Variants in FBXL17 observed in about 807,000 individuals in gnomAD.
The protein encoded by FBXL17 is F-box/LRR-repeat protein 17.
FBXL17 carries 22 observed loss-of-function variants against 66.2 expected under a neutral mutation model. That is an observed-to-expected ratio of 0.33 (90% CI 0.24 to 0.47). FBXL17 has a LOEUF of 0.47. Among genes scored for constraint, FBXL17 ranks in the 20% least tolerant of loss-of-function variants. FBXL17 has a pLI of 1.00. For synonymous variants in FBXL17, 474 were observed against 400.5 expected, an observed-to-expected ratio of 1.18 and a Z score of -2.19; for missense variants, 878 against 948.2, an observed-to-expected ratio of 0.93 and a Z score of 0.97.
chr5:108,379,180 T>C (rs1364328261), intron 1 of FBXL17, among the ~76,000 whole-genome samples: 2 of 152,204 alleles, frequency 1.3e-5, no homozygotes, highest in East Asian at 3.8e-4. Context: ...CATTAAAATG[T>C]TTTTTACCTC....
chr5:108,156,171 T>C (rs1490245129), intron 6 of FBXL17, among the ~76,000 whole-genome samples: 1 of 152,118 alleles, frequency 6.6e-6, no homozygotes, highest in East Asian at 1.9e-4. Flanking sequence ...TCTATTACAA[T>C]AGGCATCAGA....
intron 7 of FBXL17, among the ~76,000 whole-genome samples, chr5:108,011,553 C>T (rs1475616530): frequency 6.6e-6 from 1 of 152,110 alleles, no homozygotes; most frequent in African/African-American, 2.4e-5. Context: ...CCTGTAATTC[C>T]AGCACTTCGG....
intron 4 of FBXL17, among the ~76,000 whole-genome samples, chr5:108,328,634 A>T (rs1351301275): frequency 1.3e-5 from 2 of 152,054 alleles, no homozygotes; most frequent in Non-Finnish European, 2.9e-5. Context: ...TAATCACCAG[A>T]GGAATTAGCA....
Position 107,934,647 on chromosome 5 carries a change from G to A in FBXL17, c.1823-53468C>T, listed in dbSNP as rs73202564. On this transcript the variant is annotated intron_variant, in intron 7 of 8. Coordinates refer to ENST00000542267, the MANE Select transcript of FBXL17 (RefSeq NM_001163315.3). ...CACTTTATTTTGCAGACTAGCTCTG[G>A]TTACCATATCTGAAAAGTAGTTCCT... 2.2e-3 allele frequency among the ~76,000 whole-genome samples: 337 copies of A among 152,056 alleles called. 1 individual carries two copies. The highest frequency in any genetic ancestry group is 7.2e-3 in the African/African-American group (300 of 41,478).
chr5:108,134,635 A>AG (rs1442164542), intron 6 of FBXL17, among the ~76,000 whole-genome samples: 1 of 152,212 alleles, frequency 6.6e-6, no homozygotes, highest in African/African-American at 2.4e-5. Context: ...GATACCACAG[A>AG]GGACTAACAG....
At chr5:108,316,707 T>TA (rs1431328733) in intron 4 of FBXL17, among the ~76,000 whole-genome samples, 1 of 151,244 alleles carries the variant, frequency 6.6e-6, no homozygotes, top group Non-Finnish European at 1.5e-5. Context: ...AACAGTATAA[T>TA]AATGTTCTAA....
chr5:107,930,093 C>A (rs1260554415), intron 7 of FBXL17, among the ~76,000 whole-genome samples: 5 of 152,112 alleles, frequency 3.3e-5, no homozygotes, highest in Admixed American at 3.3e-4. Flanking sequence ...TACACAGCCG[C>A]CAAAGTAAAT....
chr5:108,043,796 T>C (rs1321797342), intron 6 of FBXL17, among the ~76,000 whole-genome samples: 1 of 152,178 alleles, frequency 6.6e-6, no homozygotes. Flanking sequence ...CATGTATCAA[T>C]TTGGGGAGAA....
At chr5:107,950,428 A>C (rs1009377943) in intron 7 of FBXL17, among the ~76,000 whole-genome samples, 5 of 152,240 alleles carry the variant, frequency 3.3e-5, no homozygotes, top group Non-Finnish European at 4.4e-5. Context: ...AATAATCATT[A>C]TATAATATTC....
chr5:107,897,586 A>C (rs1313008796), intron 7 of FBXL17, among the ~76,000 whole-genome samples: 2 of 152,162 alleles, frequency 1.3e-5, no homozygotes, highest in Non-Finnish European at 2.9e-5. Flanking sequence ...CATGAGTTTA[A>C]CACCAAAGGC....
chr5:108,302,310 G>A (rs1288951603), intron 4 of FBXL17, among the ~76,000 whole-genome samples: 1 of 151,716 alleles, frequency 6.6e-6, no homozygotes, highest in Non-Finnish European at 1.5e-5. Flanking sequence ...CCAAAAAAAA[G>A]GGTGGGAGGG....
intron 7 of FBXL17, among the ~76,000 whole-genome samples, chr5:107,928,338 A>C (rs1427672148): frequency 6.6e-6 from 1 of 152,090 alleles, no homozygotes; most frequent in South Asian, 2.1e-4. Flanking sequence ...TAGTTGAGAA[A>C]CATTTATTCT....
chr5:107,966,231 C>G (rs566902580), intron 7 of FBXL17, among the ~76,000 whole-genome samples: 1 of 152,200 alleles, frequency 6.6e-6, no homozygotes, highest in East Asian at 1.9e-4. Flanking sequence ...TCAGAAATGG[C>G]TCAAAGGGAT....
At chr5:107,985,501 C>A (rs1391539681) in intron 7 of FBXL17, among the ~76,000 whole-genome samples, 1 of 152,216 alleles carries the variant, frequency 6.6e-6, no homozygotes, top group Non-Finnish European at 1.5e-5. Context: ...TCTATTCTCT[C>A]TATGCCTATG....
chr5:108,276,580 G>GA (rs1757492122), intron 4 of FBXL17, among the ~76,000 whole-genome samples: 1 of 151,988 alleles, frequency 6.6e-6, no homozygotes, highest in Non-Finnish European at 1.5e-5. Context: ...AATGATCTCT[G>GA]ACAAGCTACC....
At chr5:108,115,079 C>A (rs952421055) in intron 6 of FBXL17, among the ~76,000 whole-genome samples, 1 of 151,988 alleles carries the variant, frequency 6.6e-6, no homozygotes, top group Non-Finnish European at 1.5e-5. Context: ...AAATTCAAGA[C>A]GTATTTAAAG....
chr5:108,150,614 G>T (rs1163653717), intron 6 of FBXL17, among the ~76,000 whole-genome samples: 1 of 152,120 alleles, frequency 6.6e-6, no homozygotes, highest in Non-Finnish European at 1.5e-5. Context: ...TCATCACAAT[G>T]ACAATTTTGA....
intron 5 of FBXL17, among the ~76,000 whole-genome samples, chr5:108,205,236 C>G (rs1754068634): frequency 6.6e-6 from 1 of 152,030 alleles, no homozygotes; most frequent in African/African-American, 2.4e-5. Context: ...ATTTTTGTTT[C>G]CTTTATTGGC....
chr5:107,871,984 G>A (rs979637715), intron 8 of FBXL17, among the ~76,000 whole-genome samples: 2 of 152,078 alleles, frequency 1.3e-5, no homozygotes, highest in Admixed American at 6.6e-5. Context: ...TAAAGGATAA[G>A]GTAGTGGTAA....
Sources: allele counts gnomAD v4.1 joint callset (sites outside exome capture counted in the v4.1 genomes callset), GRCh38; gene constraint gnomAD v4.1.1; transcripts MANE v1.5; gene names NCBI Gene and HGNC (gene_info 2026-07-23, HGNC 2026-07-21).